WDFY4: variants seen among roughly 807,000 people sequenced by gnomAD.
The protein encoded by WDFY4 is WDFY family member 4.
A neutral mutation model predicts 351.9 loss-of-function variants in WDFY4; 169 were observed. The observed-to-expected ratio is 0.48, with a 90% CI of 0.42 to 0.55. WDFY4 has a LOEUF of 0.55. Ranked by LOEUF, WDFY4 falls within the 20% of genes least tolerant of loss-of-function variation. The probability of loss-of-function intolerance (pLI) is 0.00; values close to 1 mark genes in which losing one functional copy is unlikely to be tolerated. For missense variants in WDFY4, 3,803 were observed against 3,935.6 expected (o/e 0.97, Z 0.90); for synonymous variants, 1,622 against 1,574.6 (o/e 1.03, Z -0.71).
chr10:48,843,987 G>C (rs1321742924), intron 39 of WDFY4, among the ~76,000 whole-genome samples: 1 of 152,244 alleles, frequency 6.6e-6, no homozygotes, highest in Non-Finnish European at 1.5e-5. Context: ...GTGGAGGGGA[G>C]AATCAGTCTG....
intron 36 of WDFY4, among the ~76,000 whole-genome samples, chr10:48,828,359 G>A (rs147392788): frequency 1.3e-5 from 2 of 152,298 alleles, no homozygotes; most frequent in African/African-American, 4.8e-5. Flanking sequence ...TAAGTGCAGG[G>A]CCCTGTGTAA....
Position 48,873,716 on chromosome 10 carries a change from G to T in WDFY4, c.6948+19G>T. ...GCACAAGGTAGGAGTCAGGCGCAGT[G>T]GGACAGTGCTGGTTCCAGGTAGGGC... On this transcript the variant is annotated intron_variant, in intron 41 of 61. Transcript: ENST00000325239. 1 of 1,551,006 alleles carries T rather than the reference G, an allele frequency of 6.4e-7. No individual in the cohort carries two copies. The highest frequency in any genetic ancestry group is 1.2e-5 in the South Asian group (1 of 83,948).
At chr10:48,811,058 T>G (rs1041907803) in intron 29 of WDFY4, among the ~76,000 whole-genome samples, 2 of 152,234 alleles carry the variant, frequency 1.3e-5, no homozygotes, top group African/African-American at 4.8e-5. Context: ...CATCCTGAGA[T>G]CTCAGTTCAA....
In WDFY4 at chr10:48,946,142, G is replaced by T. The variant is rs1483968303; in HGVS notation, c.7852G>T (p.Val2618Phe). 7 of 1,549,326 alleles carry T rather than the reference G, an allele frequency of 4.5e-6. No homozygotes were observed. The change falls in exon 50 of 62, where the codon GTT becomes TTT. Residue 2618 changes from valine to phenylalanine, a missense_variant. By Grantham distance (50) the Val-to-Phe change is conservative (BLOSUM62 -1). This residue lies in a region of WDFY4 where 3,054 missense variants were observed against 3,148.6 expected (regional missense o/e 0.97). Transcript: ENST00000325239. ...KLKFIQRFKE[V>F]EKTEGDMTVQ... is the part of the protein sequence containing the mutation. ...GAAATTTATCCAGAGGTTTAAAGAA[G>T]TTGAGAAAACTGAAGGTGAGTAGAT...
intron 47 of WDFY4, chr10:48,914,235 G>T: frequency 1.4e-6 from 2 of 1,455,384 alleles, no homozygotes; most frequent in Non-Finnish European, 1.8e-6. Flanking sequence ...ATGAAAAACT[G>T]CTGAAAGATA....
At chr10:48,801,026 C>A (rs572322877) in intron 24 of WDFY4, among the ~76,000 whole-genome samples, 3 of 152,146 alleles carry the variant, frequency 2.0e-5, no homozygotes, top group Non-Finnish European at 2.9e-5. Context: ...AGCCACCATA[C>A]CCAGCCTCTG....
intron 39 of WDFY4, among the ~76,000 whole-genome samples, chr10:48,839,789 G>C (rs2068533637): frequency 6.6e-6 from 1 of 152,238 alleles, no homozygotes; most frequent in African/African-American, 2.4e-5. Context: ...CTATCTGTTA[G>C]ATAAATAAAA....
At chr10:48,883,481 G>A (rs2070336328) in intron 43 of WDFY4, among the ~76,000 whole-genome samples, 1 of 152,192 alleles carries the variant, frequency 6.6e-6, no homozygotes, top group South Asian at 2.1e-4. Context: ...TTGGTTGTAA[G>A]CTGGGACTTC....
chr10:48,739,959 A>T (rs1312510397), intron 11 of WDFY4, among the ~76,000 whole-genome samples: 1 of 152,028 alleles, frequency 6.6e-6, no homozygotes, highest in Non-Finnish European at 1.5e-5. Context: ...TCCTTGGGGG[A>T]AGAGGGGTTT....
chr10:48,913,910 G>T (rs1454548230), intron 47 of WDFY4: 19 of 1,614,042 alleles, frequency 1.2e-5, no homozygotes, highest in Non-Finnish European at 1.5e-5. Context: ...CTATGTAGTT[G>T]CTGTGCAGGT....
intron 36 of WDFY4, 63 bp downstream of exon 36, chr10:48,826,972 G>A: frequency 7.2e-7 from 1 of 1,380,644 alleles, no homozygotes; most frequent in Non-Finnish European, 1.0e-6. Context: ...GAGATTTAGA[G>A]GAAAGCTTGA....
intron 13 of WDFY4, among the ~76,000 whole-genome samples, chr10:48,767,321 G>A (rs943962753): frequency 6.6e-6 from 1 of 152,198 alleles, no homozygotes; most frequent in African/African-American, 2.4e-5. Flanking sequence ...ATCAGAGGCT[G>A]GCTCCCCACG....
Position 48,684,926 on chromosome 10 carries a change from A to C in WDFY4, c.-93A>C, listed in dbSNP as rs2063001666. On this transcript the variant is annotated 5_prime_UTR_variant, in exon 1 of 62. Transcript: ENST00000325239. ...TGTGGGGCCGGGTCCTCTTCCCCCG[A>C]GCCTGAGGGGCTGCAGCTGGGGATA... 1 of 152,380 alleles carries C rather than the reference A, an allele frequency of 6.6e-6. No individual in the cohort carries two copies. The highest frequency in any genetic ancestry group is 6.5e-5 in the Admixed American group (1 of 15,290). The allele number at this position is 152,380 out of a possible 1,614,324, so 9.4% of individuals were successfully genotyped here.
chr10:48,802,387 C>A (rs891074647), intron 24 of WDFY4, among the ~76,000 whole-genome samples: 2 of 152,094 alleles, frequency 1.3e-5, no homozygotes, highest in Non-Finnish European at 2.9e-5. Flanking sequence ...TACATAAATG[C>A]GGATAATAAT....
chr10:48,836,688 C>A (rs1247521093), intron 39 of WDFY4, among the ~76,000 whole-genome samples: 1 of 152,154 alleles, frequency 6.6e-6, no homozygotes, highest in African/African-American at 2.4e-5. Context: ...TCTTCTTCTC[C>A]CCCTGACCCC....
chr10:48,726,668 G>A lies in WDFY4; in HGVS notation c.781+598G>A, dbSNP rs750227775. Among the ~76,000 whole-genome samples, 34 of 152,288 alleles carry A rather than the reference G, an allele frequency of 2.2e-4. 1 individual carries two copies. The highest frequency in any genetic ancestry group is 5.2e-4 in the Admixed American group (8 of 15,296). On this transcript the variant is annotated intron_variant, in intron 6 of 61. Coordinates refer to ENST00000325239, the MANE Select transcript of WDFY4 (RefSeq NM_001394531.1). The stretch of plus-strand genomic sequence containing the variant: ...TTGGGGTGCCTCAGTTCTCTCATCC[G>A]TAAAGTGGGGATAATAATGCTGCTG...
chr10:48,868,348 G>A (rs2069628531), intron 40 of WDFY4, among the ~76,000 whole-genome samples: 1 of 152,198 alleles, frequency 6.6e-6, no homozygotes, highest in Admixed American at 6.5e-5. Flanking sequence ...TGTACAGGAT[G>A]TGATCATGGC....
At chr10:48,879,691 G>T (rs901471040) in intron 43 of WDFY4, among the ~76,000 whole-genome samples, 1 of 152,142 alleles carries the variant, frequency 6.6e-6, no homozygotes, top group Non-Finnish European at 1.5e-5. Context: ...TTCCAAGCTC[G>T]TTCCAGTGCT....
intron 1 of WDFY4, among the ~76,000 whole-genome samples, chr10:48,702,435 T>C (rs1029232755): frequency 6.6e-6 from 1 of 152,224 alleles, no homozygotes; most frequent in African/African-American, 2.4e-5. Flanking sequence ...TTTTCTCTCC[T>C]TAACAATTTT....
Sources: allele counts gnomAD v4.1 joint callset (sites outside exome capture counted in the v4.1 genomes callset), GRCh38; gene constraint gnomAD v4.1.1; regional missense constraint gnomAD v4.1.1; transcripts MANE v1.5; gene names NCBI Gene and HGNC (gene_info 2026-07-23, HGNC 2026-07-21).